COX10: variants seen among roughly 807,000 people sequenced by gnomAD.
COX10 encodes protoheme IX farnesyltransferase, mitochondrial.
COX10 carries 27 observed loss-of-function variants against 37.3 expected under a neutral mutation model. That is an observed-to-expected ratio of 0.72 (90% CI 0.53 to 1.00). The LOEUF is 1.00. Ranked by LOEUF, COX10 falls within the 50% of genes least tolerant of loss-of-function variation. The pLI is 0.00. For missense variants in COX10, 475 were observed against 563.2 expected (o/e 0.84, Z 1.59); for synonymous variants, 222 against 229.1 (o/e 0.97, Z 0.28).
intron 5 of COX10, among the ~76,000 whole-genome samples, chr17:14,174,575 T>C (rs544087377): frequency 1.3e-5 from 2 of 151,162 alleles, no homozygotes; most frequent in African/African-American, 4.9e-5. Context: ...GAAATGCAAA[T>C]TAAAAACACA....
intron 3 of COX10, among the ~76,000 whole-genome samples, chr17:14,081,445 G>A (rs11078223): frequency 0.22 from 34,020 of 152,136 alleles, 3,977 homozygotes; most frequent in East Asian, 0.38. Flanking sequence ...AGCTGAGAGC[G>A]CGGAGCTGCA....
intron 1 of COX10, among the ~76,000 whole-genome samples, chr17:14,073,358 C>A (rs1299378808): frequency 6.7e-6 from 1 of 148,508 alleles, no homozygotes; most frequent in African/African-American, 2.5e-5. Flanking sequence ...CAGGATGTTC[C>A]TGAAGTCTTC....
intron 4 of COX10, among the ~76,000 whole-genome samples, chr17:14,134,957 T>G (rs1916547173): frequency 1.3e-5 from 2 of 151,754 alleles, no homozygotes; most frequent in Non-Finnish European, 3.0e-5. Context: ...TAAAAATGTT[T>G]TTTGAGTCTG....
intron 3 of COX10, among the ~76,000 whole-genome samples, chr17:14,079,956 A>G (rs1408183467): frequency 6.6e-6 from 1 of 151,988 alleles, no homozygotes; most frequent in Non-Finnish European, 1.5e-5. Flanking sequence ...ACTGCATACT[A>G]TTCCATTGTA....
chr17:14,183,155 C>A (rs1426257311), intron 5 of COX10, among the ~76,000 whole-genome samples: 1 of 149,864 alleles, frequency 6.7e-6, no homozygotes, highest in East Asian at 2.0e-4. Context: ...AGAAAAATCT[C>A]AAGCAGTGAT....
intron 3 of COX10, among the ~76,000 whole-genome samples, chr17:14,098,558 A>G (rs1018645814): frequency 3.3e-5 from 5 of 152,116 alleles, no homozygotes; most frequent in African/African-American, 9.7e-5. Flanking sequence ...TTCCTCAAAG[A>G]TGGGTGCTAT....
intron 4 of COX10, among the ~76,000 whole-genome samples, chr17:14,108,133 C>T (rs2057707765): frequency 6.6e-6 from 1 of 152,120 alleles, no homozygotes; most frequent in Admixed American, 6.6e-5. Flanking sequence ...CATCCATCAC[C>T]TCTGCCCACA....
At chr17:14,077,290 T>C (rs1915178026) in intron 3 of COX10, 1 of 506,100 alleles carries the variant, frequency 2.0e-6, no homozygotes, top group African/African-American at 1.9e-5. Context: ...CACCCTTTCC[T>C]TTGCAATTAA....
At chr17:14,140,542 A>G (rs72816659) in intron 4 of COX10, among the ~76,000 whole-genome samples, 1 of 152,038 alleles carries the variant, frequency 6.6e-6, no homozygotes, top group Non-Finnish European at 1.5e-5. Context: ...TTTATTAGAG[A>G]TAAACTAAAC....
At position 14,076,746 on chromosome 17, in the gene COX10, G is replaced by T. The variant is rs1282287020; in HGVS notation, c.189G>T (p.Gln63His). The T allele has an allele frequency of 6.2e-7, 1 of 1,614,130 alleles. No homozygotes were observed. ...GCTTTTTTGTTTAGTATGTCACACA[G>T]CTGAACAGAAGCCACAACCAGCAAG... ...FSFLKRMYVT[Q>H]LNRSHNQQVR... is the part of the protein sequence containing the mutation. The change falls in exon 3 of 7, where the codon CAG becomes CAT. Residue 63 changes from glutamine (Q) to histidine (H), a missense_variant. Physicochemically the swap from Gln to His is conservative, Grantham distance 24. Coordinates refer to ENST00000261643, the MANE Select transcript of COX10 (RefSeq NM_001303.4).
chr17:14,161,125 T>A (rs1905162921), intron 5 of COX10, among the ~76,000 whole-genome samples: 1 of 152,200 alleles, frequency 6.6e-6, no homozygotes, highest in Non-Finnish European at 1.5e-5. Context: ...GCTCATCATT[T>A]TAAACAGCCC....
At chr17:14,143,809 C>G (rs772822220) in intron 4 of COX10, among the ~76,000 whole-genome samples, 1 of 152,078 alleles carries the variant, frequency 6.6e-6, no homozygotes, top group Admixed American at 6.6e-5. Context: ...CCCTATTGCC[C>G]CTGGTTTCCC....
At chr17:14,069,755 T>G (rs956732249) in intron 1 of COX10, 107 bp downstream of exon 1, 1 of 1,387,784 alleles carries the variant, frequency 7.2e-7, no homozygotes, top group East Asian at 2.4e-5. Flanking sequence ...CTTGGCGAGG[T>G]TGGCCGGCCA....
rs376921957 is a variant in COX10, at chr17:14,069,566, G to A, written c.-40G>A. On this transcript the variant is annotated 5_prime_UTR_variant, in exon 1 of 7. Coordinates refer to ENST00000261643, the MANE Select transcript of COX10 (RefSeq NM_001303.4). ...CGCCCAGCGTCCCGTGAGGAGAGAG[G>A]ACACAGGGATCCCGGGGAGCGGCCC... The A allele has an allele frequency of 3.7e-6, 6 of 1,612,686 alleles. No homozygotes were observed. Among genetic ancestry groups the A allele is most frequent in the South Asian group, 1.1e-5 (1 of 90,928 alleles).
At chr17:14,170,722 CA>C (rs1236184284) in intron 5 of COX10, among the ~76,000 whole-genome samples, 6 of 152,128 alleles carry the variant, frequency 3.9e-5, no homozygotes, top group Non-Finnish European at 5.9e-5. Flanking sequence ...GAGGCTGAGG[CA>C]GGAGGATTGC....
chr17:14,086,280 A>T (rs1915407712), intron 3 of COX10, among the ~76,000 whole-genome samples: 1 of 151,952 alleles, frequency 6.6e-6, no homozygotes, highest in Non-Finnish European at 1.5e-5. Context: ...TTAATATTAT[A>T]TTTTTATGAT....
At chr17:14,078,133 G>A (rs1234236429) in intron 3 of COX10, among the ~76,000 whole-genome samples, 2 of 152,104 alleles carry the variant, frequency 1.3e-5, no homozygotes, top group East Asian at 3.9e-4. Context: ...GATGAATTCT[G>A]TGTGATAAGC....
At chr17:14,144,741 C>G (rs1217453145) in intron 4 of COX10, among the ~76,000 whole-genome samples, 3 of 152,146 alleles carry the variant, frequency 2.0e-5, no homozygotes, top group African/African-American at 7.2e-5. Flanking sequence ...TAACTCCACC[C>G]TGGATACCCC....
chr17:14,195,045 T>TA (rs1414854593), intron 6 of COX10, among the ~76,000 whole-genome samples: 1 of 152,222 alleles, frequency 6.6e-6, no homozygotes, highest in Non-Finnish European at 1.5e-5. Flanking sequence ...CAACATGACT[T>TA]ACTGCCCCCA....
Sources: gnomAD v4.1 joint callset for allele counts (sites outside exome capture counted in the v4.1 genomes callset) on GRCh38, gnomAD v4.1.1 for gene constraint, MANE v1.5 for transcripts, NCBI Gene and HGNC (gene_info 2026-07-23, HGNC 2026-07-21) for gene names.